FAM114A1: variants seen among roughly 807,000 people sequenced by gnomAD.
The protein encoded by FAM114A1 is protein NOXP20.
Under a neutral mutation model 64.3 loss-of-function variants are expected in FAM114A1, and 62 were observed. The ratio of observed to expected loss-of-function variants is 0.96; its 90% CI spans 0.79 to 1.19. The LOEUF is 1.19. Ranked by LOEUF, FAM114A1 falls within the 50% of genes most tolerant of loss-of-function variation. The probability of loss-of-function intolerance (pLI) is 0.00; values close to 1 mark genes in which losing one functional copy is unlikely to be tolerated. For missense variants in FAM114A1, 645 were observed against 676.3 expected, an observed-to-expected ratio of 0.95 and a Z score of 0.51; for synonymous variants, 254 against 251.1, an observed-to-expected ratio of 1.01 and a Z score of -0.11.
chr4:38,911,674 G>A (rs1019967724), intron 7 of FAM114A1, among the ~76,000 whole-genome samples: 5 of 151,956 alleles, frequency 3.3e-5, no homozygotes, highest in Non-Finnish European at 7.4e-5. Flanking sequence ...AAGGTCTTTC[G>A]GACAACTGGA....
At chr4:38,921,388 A>G (rs571820844) in intron 8 of FAM114A1, among the ~76,000 whole-genome samples, 2 of 151,672 alleles carry the variant, frequency 1.3e-5, no homozygotes, top group East Asian at 1.9e-4. Context: ...CTCTTGAGCA[A>G]CTGAGACCAC....
intron 2 of FAM114A1, among the ~76,000 whole-genome samples, chr4:38,871,082 CTTTCT>C (rs1714024976): frequency 8.0e-6 from 1 of 125,352 alleles, no homozygotes; most frequent in African/African-American, 3.0e-5. Context: ...TCTTTTTTTT[CTTTCT>C]TTTTTTTTTT....
chr4:38,882,665 C>T (rs1048637151), intron 3 of FAM114A1, among the ~76,000 whole-genome samples: 1 of 152,082 alleles, frequency 6.6e-6, no homozygotes, highest in African/African-American at 2.4e-5. Flanking sequence ...GCTTGCTTTA[C>T]TAAAAAAAGA....
Position 38,945,643 on chromosome 4 carries a change from A to G in FAM114A1, c.*2086A>G, listed in dbSNP as rs1327376916. ...TGTCTATGTACTGTATTTCATTTGT[A>G]TGTCTCCTGAAACATCCAAATAGAG... On this transcript the variant is annotated 3_prime_UTR_variant, in exon 15 of 15. Coordinates refer to ENST00000358869, the MANE Select transcript of FAM114A1 (RefSeq NM_138389.4). The G allele has an allele frequency of 6.6e-6, 1 of 152,188 alleles. No individual in the cohort carries two copies. Among genetic ancestry groups the G allele is most frequent in the Non-Finnish European group, 1.5e-5 (1 of 68,018 alleles). 9.4% of individuals were successfully genotyped at this position (152,188 alleles called of 1,614,324 possible).
chr4:38,941,719 T>C (rs1426991243), intron 14 of FAM114A1, among the ~76,000 whole-genome samples: 1 of 152,226 alleles, frequency 6.6e-6, no homozygotes, highest in East Asian at 1.9e-4. Flanking sequence ...TGTTAGGGGC[T>C]AAACTATAAG....
chr4:38,900,757 G>T (rs1717434861), intron 4 of FAM114A1, among the ~76,000 whole-genome samples: 1 of 152,308 alleles, frequency 6.6e-6, no homozygotes, highest in South Asian at 2.1e-4. Context: ...GGTTGCCAGG[G>T]GCTGGTAAAA....
intron 9 of FAM114A1, among the ~76,000 whole-genome samples, chr4:38,927,322 C>G (rs1720215669): frequency 6.6e-6 from 1 of 152,178 alleles, no homozygotes; most frequent in Non-Finnish European, 1.5e-5. Context: ...AGTCGAAGCT[C>G]AAAGTGCTGG....
intron 4 of FAM114A1, among the ~76,000 whole-genome samples, chr4:38,902,147 T>C (rs1717579876): frequency 6.6e-6 from 1 of 152,240 alleles, no homozygotes; most frequent in Non-Finnish European, 1.5e-5. Context: ...CCTTTGTCAC[T>C]GATTGGCTTT....
At chr4:38,881,387 A>T (rs1000564683) in intron 3 of FAM114A1, among the ~76,000 whole-genome samples, 1 of 152,150 alleles carries the variant, frequency 6.6e-6, no homozygotes, top group Non-Finnish European at 1.5e-5. Flanking sequence ...GACCTTGGAA[A>T]GGGGAGAAAT....
intron 13 of FAM114A1, among the ~76,000 whole-genome samples, chr4:38,936,381 A>G (rs1167231735): frequency 6.6e-6 from 1 of 151,540 alleles, no homozygotes; most frequent in Non-Finnish European, 1.5e-5. Context: ...GGCGTGAGCC[A>G]CCGCGCCTGG....
chr4:38,908,222 T>G (rs1037306370), intron 6 of FAM114A1, among the ~76,000 whole-genome samples: 1 of 152,304 alleles, frequency 6.6e-6, no homozygotes, highest in Non-Finnish European at 1.5e-5. Flanking sequence ...AAACAGCAAT[T>G]TATTTTATGT....
chr4:38,881,862 T>G (rs1328146861), intron 3 of FAM114A1, among the ~76,000 whole-genome samples: 1 of 152,200 alleles, frequency 6.6e-6, no homozygotes, highest in Non-Finnish European at 1.5e-5. Context: ...ACAAAACAAA[T>G]TCTTGAATCT....
At chr4:38,921,116 T>C (rs10033141) in intron 8 of FAM114A1, among the ~76,000 whole-genome samples, 7,517 of 152,242 alleles carry the variant, frequency 0.049, 643 homozygotes, top group African/African-American at 0.17. Flanking sequence ...CCGCTGTCTC[T>C]CTCGCCAGAG....
chr4:38,869,721 T>G (rs1713838059), intron 2 of FAM114A1, among the ~76,000 whole-genome samples: 1 of 148,356 alleles, frequency 6.7e-6, no homozygotes, highest in South Asian at 2.1e-4. Flanking sequence ...CTGTTTTTGT[T>G]TTTTTTTTTT....
chr4:38,931,129 A>C (rs981686486), intron 10 of FAM114A1, among the ~76,000 whole-genome samples: 4 of 152,178 alleles, frequency 2.6e-5, no homozygotes, highest in African/African-American at 4.8e-5. Context: ...TGAAAAGTGA[A>C]AAATATACCA....
intron 9 of FAM114A1, among the ~76,000 whole-genome samples, chr4:38,923,736 G>A (rs1321625228): frequency 1.3e-5 from 2 of 152,062 alleles, no homozygotes; most frequent in South Asian, 2.1e-4. Flanking sequence ...AGTGCACCAG[G>A]GCATGCTACA....
chr4:38,931,599 C>A lies in FAM114A1; in HGVS notation c.1310C>A (p.Thr437Asn). 1 of 1,612,804 alleles carries A rather than the reference C, an allele frequency of 6.2e-7. No homozygotes were observed. The highest frequency in any genetic ancestry group is 8.5e-7 in the Non-Finnish European group (1 of 1,179,512). The change falls in exon 11 of 15, where the codon ACT (threonine) becomes AAT (asparagine). Residue 437 changes from threonine to asparagine, a missense_variant. Transcript: ENST00000358869. ...PQEDKKEEKK[T>N]KTIEEVYMSS... ...GAAGACAAAAAGGAGGAAAAGAAAA[C>A]TAAGACCATAGAGGTAAATTCATTC...
intron 9 of FAM114A1, among the ~76,000 whole-genome samples, chr4:38,923,224 CTTTT>C (rs55688191): frequency 1.5e-5 from 2 of 131,732 alleles, no homozygotes; most frequent in Non-Finnish European, 1.6e-5. Flanking sequence ...TATGCTGCCA[CTTTT>C]TTTTTTTTTT....
chr4:38,931,638 T>C (rs1720652638), intron 11 of FAM114A1, 26 bp downstream of exon 11: 1 of 1,596,996 alleles, frequency 6.3e-7, no homozygotes, highest in Non-Finnish European at 8.5e-7. Flanking sequence ...ATTGTCTGCC[T>C]ACAAGGTAAT....
Sources: gnomAD v4.1 joint callset for allele counts (sites outside exome capture counted in the v4.1 genomes callset) on GRCh38, gnomAD v4.1.1 for gene constraint, MANE v1.5 for transcripts, NCBI Gene and HGNC (gene_info 2026-07-23, HGNC 2026-07-21) for gene names.